The following LRBA variants were observed in gnomAD, a reference collection of about 807,000 sequenced individuals.
LRBA encodes lipopolysaccharide-responsive and beige-like anchor protein.
LRBA carries 176 observed loss-of-function variants against 330.0 expected under a neutral mutation model. The ratio of observed to expected loss-of-function variants is 0.53; its 90% CI spans 0.47 to 0.60. LRBA has a LOEUF of 0.60. Among genes scored for constraint, LRBA ranks in the 20% least tolerant of loss-of-function variants. The pLI is 0.00. For synonymous variants in LRBA, 1,230 were observed against 1,193.0 expected (o/e 1.03, Z -0.64); for missense variants, 3,259 against 3,444.8 (o/e 0.95, Z 1.35).
At chr4:150,706,185 T>C (rs767574456) in intron 36 of LRBA, among the ~76,000 whole-genome samples, 3 of 151,870 alleles carry the variant, frequency 2.0e-5, no homozygotes, top group Non-Finnish European at 1.5e-5. Context: ...AAGAGGAACA[T>C]AGACCTATTA....
chr4:150,797,937 G>T, intron 34 of LRBA, 144 bp downstream of exon 34: 1 of 571,696 alleles, frequency 1.7e-6, no homozygotes, highest in Non-Finnish European at 3.2e-6. Context: ...TAATCCTTTT[G>T]CAATACAAAC....
At chr4:150,648,157 G>A (rs1386595295) in intron 37 of LRBA, among the ~76,000 whole-genome samples, 2 of 5,236 alleles carry the variant, frequency 3.8e-4, no homozygotes, top group Non-Finnish European at 2.4e-3. Context: ...AACACAAGTA[G>A]CAAAAAAAAA....
rs137952521 is a variant in LRBA at position 150,828,339 on chromosome 4, G to A, written c.5012C>T (p.Ser1671Leu). The A allele has an allele frequency of 2.5e-5, 40 of 1,614,012 alleles. No individual in the cohort carries two copies. In the African/African-American group the frequency reaches 5.2e-4, roughly 21 times the overall value. The change falls in exon 30 of 57, where the codon TCA (serine) becomes TTA (leucine). Residue 1671 changes from serine (S) to leucine (L), a missense_variant. Coordinates refer to ENST00000651943, the MANE Select transcript of LRBA (RefSeq NM_001364905.1). Reference sequence around the variant, plus strand: ...TTTCACATTGACGTTTTTTGAAACTGAAACTGACGGTGTAGCCTTAGTGTC... The same window carrying A: ...TTTCACATTGACGTTTTTTGAAACTAAAACTGACGGTGTAGCCTTAGTGTC... ...DLDTKATPSVSVSKNVNVKDI... is the reference protein window; with the variant it reads ...DLDTKATPSVLVSKNVNVKDI...
At chr4:150,610,791 T>C (rs561174528) in intron 37 of LRBA, among the ~76,000 whole-genome samples, 18 of 152,244 alleles carry the variant, frequency 1.2e-4, no homozygotes, top group African/African-American at 3.9e-4. Context: ...ATAGGCTTTA[T>C]AGACATTGAC....
At chr4:150,551,622 C>T (rs886482537) in intron 40 of LRBA, among the ~76,000 whole-genome samples, 1 of 151,850 alleles carries the variant, frequency 6.6e-6, no homozygotes, top group African/African-American at 2.4e-5. Flanking sequence ...AAGCCATGAT[C>T]ATGTCACTGC....
rs768866169 is a variant in LRBA, at chr4:150,571,870, G to GT, written c.6330+16177dup. Among the ~76,000 whole-genome samples the GT allele has an allele frequency of 5.4e-3, 786 of 144,670 alleles. 1 individual carries two copies. Among genetic ancestry groups the GT allele is most frequent in the Non-Finnish European group, 8.0e-3 (522 of 65,490 alleles). The allele number at this position is 144,670 out of a possible 152,430, so 94.9% of individuals were successfully genotyped here. A position where few individuals can be genotyped will look rare whatever the true frequency, so the allele number is the denominator to read the frequency against. On this transcript the variant is annotated intron_variant, in intron 40 of 56. Transcript: ENST00000651943. ...TCTGTTTTATTTCAATCTGTTTAAAGTTTTTTTTTTTAATGTAAGCATGTG... is the reference window on the plus strand; with the variant it reads ...TCTGTTTTATTTCAATCTGTTTAAAGTTTTTTTTTTTTAATGTAAGCATGTG...
chr4:150,682,567 C>G (rs1054514099), intron 37 of LRBA, among the ~76,000 whole-genome samples: 3 of 152,096 alleles, frequency 2.0e-5, no homozygotes, highest in Admixed American at 6.5e-5. Flanking sequence ...TTAGTGAATA[C>G]TTTATACAAA....
intron 37 of LRBA, among the ~76,000 whole-genome samples, chr4:150,649,325 T>A (rs187487917): frequency 4.4e-4 from 67 of 152,276 alleles, no homozygotes; most frequent in African/African-American, 1.5e-3. Context: ...TCCCTGCCTA[T>A]CCTTCTCATT....
At chr4:150,497,700 T>A (rs1406160181) in intron 40 of LRBA, among the ~76,000 whole-genome samples, 1 of 152,204 alleles carries the variant, frequency 6.6e-6, no homozygotes. Context: ...AATAAAATGC[T>A]ATGTGACCTT....
At position 150,959,523 on chromosome 4, in the gene LRBA, G is replaced by T. The variant is rs1224679062; in HGVS notation, c.217-30458C>A. Among the ~76,000 whole-genome samples, 3 of 149,298 alleles carry T rather than the reference G, an allele frequency of 2.0e-5. 1 individual carries two copies. The highest frequency in any genetic ancestry group is 7.8e-5 in the African/African-American group (3 of 38,700). ...AAAAGGACTCAGGAATCAACCTGAA[G>T]AAGTGCCTACTGGCCAAAAATAAAA... On this transcript the variant is annotated intron_variant, in intron 2 of 56. Coordinates refer to ENST00000651943, the MANE Select transcript of LRBA (RefSeq NM_001364905.1).
chr4:150,945,798 C>A (rs190151198), intron 2 of LRBA, among the ~76,000 whole-genome samples: 5 of 151,756 alleles, frequency 3.3e-5, no homozygotes, highest in African/African-American at 1.2e-4. Context: ...GGAATTAAGG[C>A]ATATTTCTTT....
At chr4:150,448,619 T>C (rs1581346513) in intron 44 of LRBA, among the ~76,000 whole-genome samples, 1 of 151,726 alleles carries the variant, frequency 6.6e-6, no homozygotes, top group African/African-American at 2.4e-5. Context: ...CTGGCCAACA[T>C]GATGAAACCC....
intron 16 of LRBA, among the ~76,000 whole-genome samples, chr4:150,894,450 T>C (rs1262193018): frequency 3.3e-5 from 5 of 152,180 alleles, no homozygotes; most frequent in Admixed American, 3.3e-4. Context: ...AAACGAGTTC[T>C]AGACCCCCAA....
chr4:150,975,932 T>C (rs1025898272), intron 2 of LRBA, among the ~76,000 whole-genome samples: 1 of 151,786 alleles, frequency 6.6e-6, no homozygotes, highest in African/African-American at 2.4e-5. Flanking sequence ...GAGGCCAAGG[T>C]GGGCAGATCA....
chr4:150,820,678 CAA>C (rs1233290725), intron 30 of LRBA, among the ~76,000 whole-genome samples: 2 of 151,824 alleles, frequency 1.3e-5, no homozygotes, highest in South Asian at 2.1e-4. Flanking sequence ...AAAGAAAAAT[CAA>C]AGTTACAATG....
chr4:150,980,272 T>C (rs1740685381), intron 2 of LRBA, among the ~76,000 whole-genome samples: 1 of 152,060 alleles, frequency 6.6e-6, no homozygotes. Context: ...CAAAATTCAA[T>C]GTCTCACCGT....
chr4:150,713,707 CGTAA>C (rs1206870962), intron 36 of LRBA, among the ~76,000 whole-genome samples: 1 of 152,014 alleles, frequency 6.6e-6, no homozygotes, highest in Non-Finnish European at 1.5e-5. Context: ...CCTGAGATAC[CGTAA>C]GTGATGATCT....
At chr4:150,868,766 C>G (rs1380995893) in intron 20 of LRBA, among the ~76,000 whole-genome samples, 1 of 151,984 alleles carries the variant, frequency 6.6e-6, no homozygotes, top group Non-Finnish European at 1.5e-5. Context: ...GGCAAAACCC[C>G]ATCTCTACTA....
chr4:150,740,469 G>T (rs62346307), intron 35 of LRBA, among the ~76,000 whole-genome samples: 1 of 151,554 alleles, frequency 6.6e-6, no homozygotes, highest in Admixed American at 6.6e-5. Context: ...AATTTAGGAG[G>T]GTCACTGGAT....
Sources: gnomAD v4.1 joint callset for allele counts (sites outside exome capture counted in the v4.1 genomes callset) on GRCh38, gnomAD v4.1.1 for gene constraint, MANE v1.5 for transcripts, NCBI Gene and HGNC (gene_info 2026-07-23, HGNC 2026-07-21) for gene names.